The following THADA variants were observed in gnomAD, a reference collection of about 807,000 sequenced individuals.
The protein encoded by THADA is tRNA (32-2'-O)-methyltransferase regulator THADA.
Under a neutral mutation model 219.8 loss-of-function variants are expected in THADA, and 213 were observed. That is an observed-to-expected ratio of 0.97 (90% CI 0.87 to 1.09). The LOEUF is 1.09. Ranked by LOEUF, THADA falls within the 50% of genes least tolerant of loss-of-function variation. The pLI, the probability that THADA is intolerant of heterozygous loss-of-function variation, is 0.00. For synonymous variants in THADA, 1,018 were observed against 828.9 expected (o/e 1.23, Z -3.92); for missense variants, 2,956 against 2,311.3 (o/e 1.28, Z -5.72).
intron 35 of THADA, among the ~76,000 whole-genome samples, chr2:43,282,819 T>A (rs1261715189): frequency 1.3e-5 from 2 of 152,252 alleles, no homozygotes; most frequent in African/African-American, 4.8e-5. Flanking sequence ...ATTGACATGC[T>A]GCCCTTTCCT....
intron 31 of THADA, 61 bp downstream of exon 31, chr2:43,320,385 C>A: frequency 7.6e-7 from 1 of 1,307,946 alleles, no homozygotes; most frequent in Non-Finnish European, 1.1e-6. Context: ...CCACTCAAAA[C>A]GCCATCCACA....
At chr2:43,296,671 CATAACAATCTAATA>C (rs1675429504) in intron 31 of THADA, among the ~76,000 whole-genome samples, 1 of 152,182 alleles carries the variant, frequency 6.6e-6, no homozygotes, top group Non-Finnish European at 1.5e-5. Context: ...AACCGAATCT[CATAACAATCTAATA>C]ATAATAAGAG....
chr2:43,384,320 C>T (rs11687805), intron 29 of THADA, among the ~76,000 whole-genome samples: 12,614 of 152,022 alleles, frequency 0.083, 629 homozygotes, highest in South Asian at 0.18. Context: ...TGGGGAGGGG[C>T]GAGGGGTGTG....
At chr2:43,479,849 T>A (rs1026832108) in intron 26 of THADA, among the ~76,000 whole-genome samples, 2 of 152,168 alleles carry the variant, frequency 1.3e-5, no homozygotes, top group Admixed American at 6.5e-5. Context: ...AAAATACACA[T>A]CCTTATTGTC....
intron 26 of THADA, chr2:43,430,571 GA>G (rs1295976571): frequency 2.1e-6 from 1 of 476,034 alleles, no homozygotes; most frequent in African/African-American, 2.0e-5. Context: ...TATCAGGGAA[GA>G]AATATGTAAT....
chr2:43,450,024 T>C (rs921199215), intron 26 of THADA, among the ~76,000 whole-genome samples: 1 of 152,008 alleles, frequency 6.6e-6, no homozygotes, highest in Non-Finnish European at 1.5e-5. Context: ...GCAAGAAATA[T>C]AAAAAGAGTC....
chr2:43,390,395 A>T (rs1022968292), intron 29 of THADA, among the ~76,000 whole-genome samples: 2 of 152,194 alleles, frequency 1.3e-5, no homozygotes, highest in Admixed American at 1.3e-4. Flanking sequence ...ACCTGCTTAC[A>T]AATGTCTGCA....
chr2:43,586,663 C>A, intron 6 of THADA, 39 bp downstream of exon 6: 1 of 1,590,638 alleles, frequency 6.3e-7, no homozygotes. Context: ...CTCATACAAG[C>A]CATCAACTCA....
chr2:43,460,513 C>A (rs939073984), intron 26 of THADA, among the ~76,000 whole-genome samples: 1 of 152,086 alleles, frequency 6.6e-6, no homozygotes, highest in Non-Finnish European at 1.5e-5. Flanking sequence ...GAAAATAGCT[C>A]GCTGTCTTTA....
At chr2:43,381,077 G>A (rs1190316851) in intron 29 of THADA, among the ~76,000 whole-genome samples, 6 of 126,050 alleles carry the variant, frequency 4.8e-5, no homozygotes, top group Admixed American at 4.6e-4. Flanking sequence ...CAGCCCGGGC[G>A]AGACAGAGCG....
rs77694819 is a variant in THADA at position 43,277,490 on chromosome 2, T to C, written c.5296+2275A>G. ...TGGGCCCACTCCACTCTCCAGACCCTTTCCAGAGAGACCCCACAGAATGCA... is the reference window on the plus strand; with the variant it reads ...TGGGCCCACTCCACTCTCCAGACCCCTTCCAGAGAGACCCCACAGAATGCA... On this transcript the variant is annotated intron_variant, in intron 36 of 37. Coordinates refer to ENST00000405975, the MANE Select transcript of THADA (RefSeq NM_022065.5). Among the ~76,000 whole-genome samples the C allele has an allele frequency of 1.1e-4, 17 of 152,300 alleles. No homozygotes were observed. The East Asian group carries it at 3.3e-3, about 29-fold the overall frequency.
chr2:43,485,149 G>A (rs907279715), intron 26 of THADA, 85 bp downstream of exon 26: 1 of 962,788 alleles, frequency 1.0e-6, no homozygotes, highest in African/African-American at 1.6e-5. Flanking sequence ...ATCTATAACA[G>A]TAGGCACAAT....
chr2:43,512,319 C>G (rs769259629), intron 22 of THADA, among the ~76,000 whole-genome samples: 1 of 152,180 alleles, frequency 6.6e-6, no homozygotes, highest in Non-Finnish European at 1.5e-5. Context: ...AACTCTACCA[C>G]CGGTTCCCAT....
intron 36 of THADA, among the ~76,000 whole-genome samples, chr2:43,262,558 T>C (rs954684583): frequency 2.0e-5 from 3 of 152,234 alleles, no homozygotes; most frequent in Admixed American, 2.0e-4. Flanking sequence ...GGCTTTTCTG[T>C]CACATGTAGA....
intron 30 of THADA, among the ~76,000 whole-genome samples, chr2:43,330,032 G>T (rs1156391329): frequency 6.6e-6 from 1 of 152,138 alleles, no homozygotes; most frequent in Non-Finnish European, 1.5e-5. Context: ...GAAAACTCAG[G>T]CCTAAGGAAA....
intron 21 of THADA, among the ~76,000 whole-genome samples, chr2:43,536,654 A>G (rs943733916): frequency 4.6e-5 from 7 of 152,184 alleles, no homozygotes; most frequent in African/African-American, 1.7e-4. Flanking sequence ...CCAGGCAGGT[A>G]TAATTCACCA....
At chr2:43,342,356 C>T (rs1667155124) in intron 30 of THADA, among the ~76,000 whole-genome samples, 1 of 152,216 alleles carries the variant, frequency 6.6e-6, no homozygotes, top group African/African-American at 2.4e-5. Context: ...ATACACACAT[C>T]CACACATTGG....
chr2:43,389,591 G>A (rs1459382895), intron 29 of THADA, among the ~76,000 whole-genome samples: 7 of 152,108 alleles, frequency 4.6e-5, no homozygotes, highest in African/African-American at 7.2e-5. Flanking sequence ...TGCTTGGCCC[G>A]GCATTTGTGG....
chr2:43,519,687 C>A (rs936732373), intron 22 of THADA, among the ~76,000 whole-genome samples: 4 of 152,218 alleles, frequency 2.6e-5, no homozygotes, highest in African/African-American at 9.7e-5. Context: ...CAGTCAAACA[C>A]AGCATCTGGC....
Sources: gnomAD v4.1 joint callset for allele counts (sites outside exome capture counted in the v4.1 genomes callset) on GRCh38, gnomAD v4.1.1 for gene constraint, MANE v1.5 for transcripts, NCBI Gene and HGNC (gene_info 2026-07-23, HGNC 2026-07-21) for gene names.